The following FRMD4B variants were observed in gnomAD, a reference collection of about 807,000 sequenced individuals.
The protein encoded by FRMD4B is FERM domain containing 4B.
Under a neutral mutation model 141.5 loss-of-function variants are expected in FRMD4B, and 74 were observed. The observed-to-expected ratio is 0.52, with a 90% CI of 0.43 to 0.63. The LOEUF is 0.63. Among genes scored for constraint, FRMD4B ranks in the 30% least tolerant of loss-of-function variants. The pLI is 0.00. For missense variants in FRMD4B, 1,366 were observed against 1,253.4 expected, an observed-to-expected ratio of 1.09 and a Z score of -1.36; for synonymous variants, 506 against 467.9, an observed-to-expected ratio of 1.08 and a Z score of -1.05.
chr3:69,348,252 C>T (rs1023281164), intron 1 of FRMD4B, among the ~76,000 whole-genome samples: 7 of 152,064 alleles, frequency 4.6e-5, no homozygotes, highest in Admixed American at 1.3e-4. Context: ...ATAAGTTCCT[C>T]GACACATACA....
intron 1 of FRMD4B, among the ~76,000 whole-genome samples, chr3:69,443,555 T>C (rs923627498): frequency 1.2e-4 from 18 of 152,166 alleles, no homozygotes; most frequent in African/African-American, 3.9e-4. Flanking sequence ...GGACTTGCAA[T>C]TGGCATCTGA....
rs780794763 is a variant in FRMD4B at position 69,287,853 on chromosome 3, G to C, written c.417-17C>G. 14 of 1,278,286 alleles carry C rather than the reference G, an allele frequency of 1.1e-5. No homozygotes were observed. The highest frequency in any genetic ancestry group is 1.5e-5 in the Non-Finnish European group (13 of 893,112). 79.2% of individuals were successfully genotyped at this position (1,278,286 alleles called of 1,614,324 possible). A position where few individuals can be genotyped will look rare whatever the true frequency, so the allele number is the denominator to read the frequency against. On this transcript the variant is annotated splice_polypyrimidine_tract_variant and intron_variant, in intron 4 of 22. Coordinates refer to ENST00000398540, the MANE Select transcript of FRMD4B (RefSeq NM_015123.3). ...ATGTAAAACCTGAAAAACAGCAGAG[G>C]AGTTTGTTCCTTCAGATTTATTTTC... is the stretch of plus-strand genomic sequence containing the variant.
At chr3:69,312,958 C>T (rs1225681691) in intron 2 of FRMD4B, among the ~76,000 whole-genome samples, 1 of 152,154 alleles carries the variant, frequency 6.6e-6, no homozygotes, top group African/African-American at 2.4e-5. Context: ...AGATTTCACT[C>T]ACATATATAA....
At chr3:69,268,719 G>C (rs780754179) in intron 5 of FRMD4B, among the ~76,000 whole-genome samples, 6 of 151,878 alleles carry the variant, frequency 4.0e-5, no homozygotes, top group Non-Finnish European at 2.9e-5. Context: ...GACTAAAGAA[G>C]CCCTGGTAAA....
At chr3:69,374,485 C>G (rs1043466234) in intron 1 of FRMD4B, among the ~76,000 whole-genome samples, 2 of 152,064 alleles carry the variant, frequency 1.3e-5, no homozygotes, top group Non-Finnish European at 2.9e-5. Flanking sequence ...TTATAATAAC[C>G]AGGTCTTCTT....
At chr3:69,183,928 C>T (rs1435383139) in intron 19 of FRMD4B, among the ~76,000 whole-genome samples, 1 of 151,926 alleles carries the variant, frequency 6.6e-6, no homozygotes, top group Non-Finnish European at 1.5e-5. Flanking sequence ...TGGAGTCTCG[C>T]TCTGTCATCC....
intron 5 of FRMD4B, among the ~76,000 whole-genome samples, chr3:69,253,755 G>GT (rs1288625098): frequency 6.6e-6 from 1 of 152,146 alleles, no homozygotes; most frequent in Non-Finnish European, 1.5e-5. Context: ...CACCTCTCTA[G>GT]TACTAATTGA....
chr3:69,497,020 G>A (rs920071370), intron 1 of FRMD4B, among the ~76,000 whole-genome samples: 3 of 152,000 alleles, frequency 2.0e-5, no homozygotes, highest in African/African-American at 7.2e-5. Flanking sequence ...ACCCACTGAT[G>A]TAAACTCTGA....
rs372138883 is a variant in FRMD4B at position 69,281,738 on chromosome 3, C to T, written c.501+6014G>A. The stretch of plus-strand genomic sequence containing the variant: ...ACTCAGGAGGCTAAAGCAGGAGAAT[C>T]GCTTGAACCCAGAAGGCGGAGGTTG... On this transcript the variant is annotated intron_variant, in intron 5 of 22. Coordinates refer to ENST00000398540, the MANE Select transcript of FRMD4B (RefSeq NM_015123.3). Among the ~76,000 whole-genome samples the T allele has an allele frequency of 4.0e-5, 6 of 151,456 alleles. No homozygotes were observed. In the South Asian group the frequency reaches 6.3e-4, roughly 16 times the overall value.
At position 69,501,961 on chromosome 3, in the gene FRMD4B, AT is replaced by A. The variant is rs1480941272; in HGVS notation, c.-129+40244del. 2.6e-5 allele frequency among the ~76,000 whole-genome samples: 4 copies of A among 152,202 alleles called. No individual in the cohort carries two copies. In the East Asian group the frequency reaches 7.7e-4, roughly 29 times the overall value. On this transcript the variant is annotated intron_variant, in intron 1 of 5. Transcript: ENST00000459638. ...TTCAAAGAGAATAAAATACCTAGGA[AT>A]CCAACTTACAAGGGATATGAAGGAC... is the stretch of plus-strand genomic sequence containing the variant.
chr3:69,465,829 G>A (rs1205962199), intron 1 of FRMD4B, among the ~76,000 whole-genome samples: 3 of 152,144 alleles, frequency 2.0e-5, no homozygotes, highest in Non-Finnish European at 4.4e-5. Context: ...CTTTGCTATT[G>A]TGAATAGTGC....
At chr3:69,223,570 G>A (rs1209298434) in intron 8 of FRMD4B, among the ~76,000 whole-genome samples, 1 of 152,044 alleles carries the variant, frequency 6.6e-6, no homozygotes, top group Non-Finnish European at 1.5e-5. Flanking sequence ...CGGGCCCGGT[G>A]GCTCACACCT....
chr3:69,223,292 G>C (rs1045056123), intron 8 of FRMD4B, among the ~76,000 whole-genome samples: 26 of 152,136 alleles, frequency 1.7e-4, no homozygotes, highest in Non-Finnish European at 1.5e-5. Flanking sequence ...GAGGCAGGCG[G>C]ATCACGAGGT....
At chr3:69,323,467 C>G (rs1702075844) in intron 1 of FRMD4B, among the ~76,000 whole-genome samples, 1 of 151,468 alleles carries the variant, frequency 6.6e-6, no homozygotes, top group African/African-American at 2.4e-5. Context: ...ACTTGGGAGG[C>G]TGAGGCAGAA....
chr3:69,531,318 C>T lies in FRMD4B; in HGVS notation c.-129+10888G>A, dbSNP rs542853618. On this transcript the variant is annotated intron_variant, in intron 1 of 5. Transcript: ENST00000459638. Reference sequence around the variant, plus strand: ...AATTCAGCTGTCAATAACAGGATTACGGCACAGAACAAAAAGCAATCTTTA... The same window carrying T: ...AATTCAGCTGTCAATAACAGGATTATGGCACAGAACAAAAAGCAATCTTTA... Among the ~76,000 whole-genome samples the T allele has an allele frequency of 3.2e-4, 49 of 151,978 alleles. 1 individual carries two copies. Among genetic ancestry groups the T allele is most frequent in the African/African-American group, 9.7e-4 (40 of 41,448 alleles).
chr3:69,443,599 C>A (rs1705370234), intron 1 of FRMD4B, among the ~76,000 whole-genome samples: 1 of 152,124 alleles, frequency 6.6e-6, no homozygotes, highest in Non-Finnish European at 1.5e-5. Flanking sequence ...AGCCCTTAAC[C>A]TGTGAGGCCA....
chr3:69,333,518 T>A (rs1215135160), intron 1 of FRMD4B, among the ~76,000 whole-genome samples: 1 of 152,222 alleles, frequency 6.6e-6, no homozygotes, highest in Admixed American at 6.6e-5. Flanking sequence ...AATGTCTCTG[T>A]GTGACAGCCA....
intron 5 of FRMD4B, among the ~76,000 whole-genome samples, chr3:69,285,057 G>A (rs1263162402): frequency 6.6e-6 from 1 of 152,162 alleles, no homozygotes; most frequent in Non-Finnish European, 1.5e-5. Context: ...CAGCTACTCG[G>A]GAGGCTGAGG....
chr3:69,493,396 T>C (rs938664325), intron 1 of FRMD4B, among the ~76,000 whole-genome samples: 2 of 152,184 alleles, frequency 1.3e-5, no homozygotes, highest in African/African-American at 2.4e-5. Context: ...TACGGCAAAC[T>C]GGAAAACCAT....
Sources: allele counts gnomAD v4.1 joint callset (sites outside exome capture counted in the v4.1 genomes callset), GRCh38; gene constraint gnomAD v4.1.1; transcripts MANE v1.5; gene names NCBI Gene and HGNC (gene_info 2026-07-23, HGNC 2026-07-21).